Variants in ACSL4 observed in about 807,000 individuals in gnomAD.
ACSL4 encodes the protein long-chain-fatty-acid--CoA ligase 4.
ACSL4 carries 9 observed loss-of-function variants against 49.1 expected under a neutral mutation model. That is an observed-to-expected ratio of 0.18 (90% CI 0.11 to 0.32). The LOEUF (loss-of-function observed/expected upper bound fraction) is 0.32. Ranked by LOEUF, ACSL4 falls within the 10% of genes least tolerant of loss-of-function variation. The pLI is 1.00. For missense variants in ACSL4, 333 were observed against 493.7 expected (o/e 0.67, Z 3.08); for synonymous variants, 191 against 170.3 (o/e 1.12, Z -0.95).
intron 15 of ACSL4, among the ~76,000 whole-genome samples, chrX:109,653,889 G>A (rs1354578533): frequency 5.5e-5 from 6 of 108,242 alleles, no homozygotes; most frequent in Non-Finnish European, 1.2e-4. Context: ...ACACCAGCAT[G>A]GCACATGTAT....
At chrX:109,676,251 C>CAA (rs749150227) in intron 8 of ACSL4, among the ~76,000 whole-genome samples, 4 of 78,545 alleles carry the variant, frequency 5.1e-5, no homozygotes, top group African/African-American at 1.9e-4. Flanking sequence ...AGTCATATAT[C>CAA]AAAAAAAAAA....
chrX:109,667,015 C>G (rs1456636502), intron 11 of ACSL4, among the ~76,000 whole-genome samples: 1 of 111,912 alleles, frequency 8.9e-6, no homozygotes, highest in Non-Finnish European at 1.9e-5. Context: ...AAGGAATGAT[C>G]TGATGACATT....
intron 1 of ACSL4, among the ~76,000 whole-genome samples, chrX:109,698,518 T>A (rs984077548): frequency 8.9e-6 from 1 of 111,978 alleles, no homozygotes; most frequent in African/African-American, 3.2e-5. Context: ...TATGCAAGGT[T>A]TTTTTCTAAT....
rs755918285 is a variant in ACSL4, at chrX:109,666,898, G to C, written c.1315+1203C>G. 7.1e-4 allele frequency among the ~76,000 whole-genome samples: 80 copies of C among 112,112 alleles called. 1 individual carries two copies. Among genetic ancestry groups the C allele is most frequent in the Non-Finnish European group, 1.4e-3 (75 of 53,210 alleles). ...CCACTGCACTCCAGCCTGGGCAACA[G>C]AGCAAGACTCTGTCTCAAAAATAAA... On this transcript the variant is annotated intron_variant, in intron 11 of 15. Coordinates refer to ENST00000672401, the MANE Select transcript of ACSL4 (RefSeq NM_001318510.2).
chrX:109,659,456 A>G lies in ACSL4; in HGVS notation c.1753T>C (p.Leu585=). 2.5e-6 allele frequency: 3 copies of G among 1,207,215 alleles called. No individual in the cohort carries two copies. Among genetic ancestry groups the G allele is most frequent in the Non-Finnish European group, 3.4e-6 (3 of 891,578 alleles). ...CCTTCTACCCCTTTCTGTTGTGCCAAAAGTGTCAACCTTTTCTGGTTAGGA... is the reference window on the plus strand; with the variant it reads ...CCTTCTACCCCTTTCTGTTGTGCCAGAAGTGTCAACCTTTTCTGGTTAGGA... ...VVPNQKRLTL[L]AQQKGVEGTW... is the part of the protein sequence containing the mutation. The change falls in exon 15 of 16, where the codon TTG becomes CTG. Residue 585 remains leucine, a synonymous_variant. Coordinates refer to ENST00000672401, the MANE Select transcript of ACSL4 (RefSeq NM_001318510.2).
Position 109,643,806 on chromosome X carries a change from C to T in ACSL4, c.*223G>A, listed in dbSNP as rs1934521020. 8 of 393,911 alleles carry T rather than the reference C, an allele frequency of 2.0e-5. No individual in the cohort carries two copies. The South Asian group carries it at 3.4e-4, about 17-fold the overall frequency. 32.5% of individuals were successfully genotyped at this position (393,911 alleles called of 1,213,427 possible). On this transcript the variant is annotated 3_prime_UTR_variant, in exon 16 of 16. Transcript: ENST00000672401. The stretch of plus-strand genomic sequence containing the variant: ...GAATTTCTGCTCTATAATAACACAG[C>T]TAAAGGGAAATAACTTTTCAATTTC...
chrX:109,671,350 G>A (rs1007524268), intron 9 of ACSL4, among the ~76,000 whole-genome samples: 14 of 110,643 alleles, frequency 1.3e-4, no homozygotes, highest in African/African-American at 4.3e-4. Flanking sequence ...GTCTCTGACC[G>A]GCCTCCCCGT....
chrX:109,647,627 A>G (rs1222261589), intron 15 of ACSL4, among the ~76,000 whole-genome samples: 2 of 111,647 alleles, frequency 1.8e-5, no homozygotes, highest in Non-Finnish European at 3.8e-5. Flanking sequence ...GAGAAGCAAG[A>G]ACAAACACAT....
chrX:109,683,220 C>T lies in ACSL4; in HGVS notation c.144G>A (p.Lys48=). The T allele has an allele frequency of 3.3e-6, 4 of 1,211,967 alleles. No homozygotes were observed. The South Asian group carries it at 5.3e-5, about 16-fold the overall frequency. ...LDKLFDHAVS[K]FGKKDSLGTR... ...TCCCAAGGCTGTCCTTCTTCCCAAA[C>T]TTGGATACAGCATGGTCAAATAATT... The change falls in exon 3 of 16, where the codon AAG becomes AAA. Residue 48 remains lysine, a synonymous_variant. Coordinates refer to ENST00000672401, the MANE Select transcript of ACSL4 (RefSeq NM_001318510.2).
At chrX:109,653,506 G>A (rs951943966) in intron 15 of ACSL4, among the ~76,000 whole-genome samples, 4 of 111,341 alleles carry the variant, frequency 3.6e-5, no homozygotes, top group East Asian at 2.8e-4. Context: ...ACATGCACAC[G>A]TATGTTTATT....
intron 15 of ACSL4, among the ~76,000 whole-genome samples, chrX:109,658,315 A>G (rs1386040896): frequency 9.2e-6 from 1 of 108,792 alleles, no homozygotes; most frequent in Non-Finnish European, 1.9e-5. Context: ...ATTACTCACC[A>G]CCCCCCAGTC....
chrX:109,646,575 A>C (rs1156436266), intron 15 of ACSL4, among the ~76,000 whole-genome samples: 21 of 109,955 alleles, frequency 1.9e-4, no homozygotes, highest in African/African-American at 6.6e-4. Flanking sequence ...TCATGCCAAA[A>C]TGTAAAGACC....
intron 2 of ACSL4, among the ~76,000 whole-genome samples, chrX:109,694,662 A>C (rs1188507222): frequency 9.0e-6 from 1 of 111,725 alleles, no homozygotes; most frequent in Non-Finnish European, 1.9e-5. Flanking sequence ...ATTCTATAAG[A>C]AGCAATCCTT....
intron 2 of ACSL4, among the ~76,000 whole-genome samples, chrX:109,693,076 C>T (rs1411908098): frequency 9.0e-6 from 1 of 111,413 alleles, no homozygotes; most frequent in Non-Finnish European, 1.9e-5. Context: ...GCCACATGAT[C>T]TGCCCTCCCC....
At chrX:109,702,401 G>T (rs935467923) in intron 1 of ACSL4, among the ~76,000 whole-genome samples, 2 of 111,908 alleles carry the variant, frequency 1.8e-5, no homozygotes, top group Middle Eastern at 4.6e-3. Flanking sequence ...CTGATCATTT[G>T]AAAGATCAGA....
intron 2 of ACSL4, chrX:109,683,756 T>C (rs1924374439): frequency 6.8e-6 from 2 of 295,521 alleles, no homozygotes; most frequent in Non-Finnish European, 1.2e-5. Context: ...AACAAGTTGA[T>C]AGCACAATTG....
At chrX:109,656,769 C>A (rs1921681227) in intron 15 of ACSL4, among the ~76,000 whole-genome samples, 1 of 109,536 alleles carries the variant, frequency 9.1e-6, no homozygotes. Flanking sequence ...AATCAGCCAC[C>A]CACATGGAAT....
At chrX:109,659,943 C>A (rs1055750860) in intron 14 of ACSL4, among the ~76,000 whole-genome samples, 10 of 109,601 alleles carry the variant, frequency 9.1e-5, no homozygotes, top group African/African-American at 3.0e-4. Context: ...ATGGCAAAAA[C>A]CAAAATTACT....
intron 15 of ACSL4, among the ~76,000 whole-genome samples, chrX:109,650,557 T>G (rs1224893445): frequency 5.6e-5 from 6 of 107,289 alleles, no homozygotes; most frequent in Non-Finnish European, 9.6e-5. Context: ...AGGGATAGCA[T>G]TGGGAGATAT....
Sources: gnomAD v4.1 joint callset for allele counts (sites outside exome capture counted in the v4.1 genomes callset) on GRCh38, gnomAD v4.1.1 for gene constraint, MANE v1.5 for transcripts, NCBI Gene and HGNC (gene_info 2026-07-23, HGNC 2026-07-21) for gene names.